Variants in MPPE1 observed in about 807,000 individuals in gnomAD.
MPPE1 encodes metallophosphoesterase 1.
MPPE1 carries 28 observed loss-of-function variants against 43.8 expected under a neutral mutation model. The ratio of observed to expected loss-of-function variants is 0.64; its 90% CI spans 0.47 to 0.88. The LOEUF (loss-of-function observed/expected upper bound fraction) is 0.88. Ranked by LOEUF, MPPE1 falls within the 40% of genes least tolerant of loss-of-function variation. MPPE1 has a pLI of 0.00. For missense variants in MPPE1, 428 were observed against 492.2 expected (o/e 0.87, Z 1.23); for synonymous variants, 159 against 188.5 (o/e 0.84, Z 1.28).
chr18:11,900,183 C>A (rs2038995294), intron 2 of MPPE1, among the ~76,000 whole-genome samples: 1 of 152,110 alleles, frequency 6.6e-6, no homozygotes, highest in Admixed American at 6.6e-5. Context: ...CCCATCTCTA[C>A]TAAAAGTACA....
chr18:11,902,950 A>G (rs2039347738), intron 2 of MPPE1: 1 of 152,282 alleles, frequency 6.6e-6, no homozygotes, highest in Non-Finnish European at 1.5e-5. Context: ...CTCCCCACTG[A>G]GCTCACTCAG....
intron 2 of MPPE1, chr18:11,905,315 A>G (rs2039607974): frequency 6.7e-6 from 1 of 149,984 alleles, no homozygotes. Flanking sequence ...AAAACAAAAC[A>G]AAACAAAACA....
At chr18:11,884,692 A>AAAC in intron 10 of MPPE1, 65 bp from the exon 11 acceptor site, 1 of 1,530,546 alleles carries the variant, frequency 6.5e-7, no homozygotes, top group Non-Finnish European at 9.0e-7. Context: ...GCAGTCTTAG[A>AAAC]AACAGCAGAG....
chr18:11,888,009 A>C (rs2037532767), intron 6 of MPPE1, among the ~76,000 whole-genome samples: 1 of 152,346 alleles, frequency 6.6e-6, no homozygotes. Context: ...CAAGATTAAA[A>C]GAGAAAAGGC....
chr18:11,899,246 T>C (rs1349736819), intron 2 of MPPE1, among the ~76,000 whole-genome samples: 3 of 152,140 alleles, frequency 2.0e-5, no homozygotes, highest in Admixed American at 2.0e-4. Context: ...TGCAGTACCA[T>C]AGTCTCAGTG....
At chr18:11,892,349 CAAAAAGAAA>C (rs1308453787) in intron 4 of MPPE1, among the ~76,000 whole-genome samples, 3 of 119,526 alleles carry the variant, frequency 2.5e-5, no homozygotes, top group Non-Finnish European at 5.2e-5. Context: ...CCCATAGCAC[CAAAAAGAAA>C]AAAAAAAAAA....
At chr18:11,888,278 G>A (rs2037563200) in intron 6 of MPPE1, among the ~76,000 whole-genome samples, 1 of 152,184 alleles carries the variant, frequency 6.6e-6, no homozygotes, top group Non-Finnish European at 1.5e-5. Context: ...TAGTAGTTAT[G>A]ACACCATAAC....
At position 11,897,213 on chromosome 18, in the gene MPPE1, T is replaced by A; in HGVS notation, c.52A>T (p.Arg18Trp). 8.7e-7 allele frequency: 1 copy of A among 1,145,836 alleles called. No homozygotes were observed. Among genetic ancestry groups the A allele is most frequent in the South Asian group, 1.5e-5 (1 of 68,246 alleles). The allele number at this position is 1,145,836 out of a possible 1,614,324, so 71.0% of individuals were successfully genotyped here. The stretch of plus-strand genomic sequence containing the variant: ...AGTTTCAACAGCAATGAACTCTTCC[T>A]CTTTAATGGATGAAAATTCTGTCTT... ...FGRQNFHPLK[R>W]KSSLLLKLIA... The change falls in exon 3 of 11, where the codon AGG (arginine) becomes TGG (tryptophan). Residue 18 changes from arginine (R) to tryptophan (W), a missense_variant. Around this residue, in one of 3 missense-constraint regions of MPPE1, gnomAD observed 48 missense variants for 73.5 expected, o/e 0.65. Coordinates refer to ENST00000588072, the MANE Select transcript of MPPE1 (RefSeq NM_023075.6).
intron 2 of MPPE1, among the ~76,000 whole-genome samples, chr18:11,901,045 A>G (rs1041911407): frequency 1.2e-4 from 19 of 152,190 alleles, no homozygotes; most frequent in African/African-American, 3.9e-4. Context: ...AAATCTTCTC[A>G]TAAGTATTCT....
intron 3 of MPPE1, among the ~76,000 whole-genome samples, chr18:11,894,940 G>A (rs1567953410): frequency 6.6e-6 from 1 of 152,174 alleles, no homozygotes; most frequent in Non-Finnish European, 1.5e-5. Context: ...TAGTTACAGG[G>A]TTAAATAAGA....
chr18:11,887,993 GA>G (rs1448686219), intron 6 of MPPE1, among the ~76,000 whole-genome samples: 1 of 152,186 alleles, frequency 6.6e-6, no homozygotes, highest in Non-Finnish European at 1.5e-5. Flanking sequence ...GCACCCACAG[GA>G]AGGACAAGAT....
intron 1 of MPPE1, among the ~76,000 whole-genome samples, chr18:11,907,130 C>T (rs1392299827): frequency 6.6e-6 from 1 of 152,104 alleles, no homozygotes; most frequent in Non-Finnish European, 1.5e-5. Context: ...AAAAGCAGAC[C>T]AGCATTTAAC....
chr18:11,897,253 G>A lies in MPPE1; in HGVS notation c.12C>T (p.Ile4=), dbSNP rs201990376. 52 of 1,179,040 alleles carry A rather than the reference G, an allele frequency of 4.4e-5. No homozygotes were observed. Among genetic ancestry groups the A allele is most frequent in the African/African-American group, 3.1e-4 (20 of 64,950 alleles). 73.0% of individuals were successfully genotyped at this position (1,179,040 alleles called of 1,614,324 possible). ...AATTCTGTCTTCCAAACCCCAATTC[G>A]ATCATCGCCATTTCTCAAGCAACAA... MAM[I]ELGFGRQNFH... is the part of the protein sequence containing the mutation. Residue 4 remains isoleucine, a synonymous_variant, in exon 3 of 11, where the codon ATC becomes ATT. Transcript: ENST00000588072.
chr18:11,886,942 G>C lies in MPPE1; in HGVS notation c.653C>G (p.Ser218Cys). 6.2e-7 allele frequency: 1 copy of C among 1,613,616 alleles called. No individual in the cohort carries two copies. The highest frequency in any genetic ancestry group is 8.5e-7 in the Non-Finnish European group (1 of 1,179,768). The part of the protein sequence containing the change: ...SETEAELIEV[S>C]HRLNCSREAR... ...CTCTCGGGAGCAGTTCAGTCTGTGA[G>C]AAACTTCAATGAGCTCTGCTTCTGT... Residue 218 changes from serine (S) to cysteine (C), a missense_variant, in exon 7 of 11, where the codon TCT becomes TGT. By Grantham distance (112) the Ser-to-Cys change is moderately radical. Coordinates refer to ENST00000588072, the MANE Select transcript of MPPE1 (RefSeq NM_023075.6). The surrounding 1 kb of genome is among the most constrained non-coding windows in gnomAD (Gnocchi z 4.1).
intron 10 of MPPE1, 118 bp from the exon 11 acceptor site, chr18:11,884,745 C>T (rs1567919352): frequency 4.6e-6 from 6 of 1,313,616 alleles, no homozygotes; most frequent in East Asian, 2.5e-5. Context: ...AGGCAGGGAA[C>T]GGGCCCTCCT....
At position 11,886,428 on chromosome 18, in the gene MPPE1, CTGCTTGTTGACA is replaced by C; in HGVS notation, c.867+59_867+70del. On this transcript the variant is annotated intron_variant, in intron 9 of 10. Transcript: ENST00000588072. This position sits in a 1 kb window ranked among gnomAD's most constrained non-coding sequence, Gnocchi z 4.1. ...AAACACCTGCTCTAGCCTGGGCACT[CTGCTTGTTGACA>C]TGCAAGGTGATGAGAGTCACACTGT... is the stretch of plus-strand genomic sequence containing the variant. 3.7e-6 allele frequency: 6 copies of C among 1,608,674 alleles called. No individual in the cohort carries two copies. Among genetic ancestry groups the C allele is most frequent in the Non-Finnish European group, 5.1e-6 (6 of 1,176,404 alleles).
intron 4 of MPPE1, among the ~76,000 whole-genome samples, chr18:11,890,174 C>G (rs1386620561): frequency 1.3e-5 from 2 of 152,022 alleles, no homozygotes; most frequent in Admixed American, 1.3e-4. Flanking sequence ...GATCTCCTGA[C>G]CTCATGATCC....
intron 4 of MPPE1, chr18:11,891,299 C>T (rs977620038): frequency 7.2e-5 from 11 of 152,012 alleles, no homozygotes; most frequent in Admixed American, 4.6e-4. Flanking sequence ...CATGATGAAA[C>T]CTGTCTCTAC....
chr18:11,904,891 C>T (rs182163352), intron 2 of MPPE1, among the ~76,000 whole-genome samples: 23 of 151,604 alleles, frequency 1.5e-4, no homozygotes, highest in African/African-American at 2.2e-4. Flanking sequence ...TGCAGTGAGC[C>T]GAGATTTCAC....
Sources: gnomAD v4.1 joint callset for allele counts (sites outside exome capture counted in the v4.1 genomes callset) on GRCh38, gnomAD v4.1.1 for gene constraint, gnomAD v4.1.1 regional missense constraint, Gnocchi (gnomAD v3.1) non-coding constraint, MANE v1.5 for transcripts, NCBI Gene and HGNC (gene_info 2026-07-23, HGNC 2026-07-21) for gene names.